Variants in NALF1 observed in about 807,000 individuals in gnomAD.
The protein encoded by NALF1 is family with sequence similarity 155 member A.
Under a neutral mutation model 48.4 loss-of-function variants are expected in NALF1, and 3 were observed. That is an observed-to-expected ratio of 0.06 (90% CI 0.03 to 0.16). The LOEUF (loss-of-function observed/expected upper bound fraction) is 0.16, where lower values mean the gene tolerates loss of function less well. NALF1 is among the 10% of genes least tolerant of loss of function. NALF1 has a pLI of 1.00. For missense variants in NALF1, 526 were observed against 571.5 expected, an observed-to-expected ratio of 0.92 and a Z score of 0.81; for synonymous variants, 262 against 245.7, an observed-to-expected ratio of 1.07 and a Z score of -0.62.
chr13:107,419,497 G>A (rs1262160691), intron 1 of NALF1, among the ~76,000 whole-genome samples: 8 of 152,104 alleles, frequency 5.3e-5, no homozygotes, highest in Middle Eastern at 3.2e-3. Context: ...TGCAAGAGGC[G>A]GTAGATTTCA....
At chr13:107,688,005 C>T (rs1881477588) in intron 1 of NALF1, among the ~76,000 whole-genome samples, 2 of 152,116 alleles carry the variant, frequency 1.3e-5, no homozygotes, top group Non-Finnish European at 2.9e-5. Flanking sequence ...AGAACTTTAA[C>T]ATTTTAAAAA....
chr13:107,712,671 C>T (rs1047427271), intron 1 of NALF1, among the ~76,000 whole-genome samples: 29 of 152,140 alleles, frequency 1.9e-4, no homozygotes, highest in African/African-American at 6.5e-4. Flanking sequence ...GACTGCTATA[C>T]TCATAATTTT....
intron 1 of NALF1, among the ~76,000 whole-genome samples, chr13:107,751,247 A>G (rs1876929845): frequency 6.6e-6 from 1 of 152,214 alleles, no homozygotes; most frequent in Admixed American, 6.5e-5. Flanking sequence ...TGTTCCAATG[A>G]TATTTCACAT....
chr13:107,632,193 C>A (rs1159740580), intron 1 of NALF1, among the ~76,000 whole-genome samples: 15 of 152,236 alleles, frequency 9.9e-5, no homozygotes, highest in African/African-American at 3.6e-4. Flanking sequence ...GCTCTGGTGG[C>A]AAATACTATA....
chr13:107,363,595 A>C (rs193023295), intron 1 of NALF1, among the ~76,000 whole-genome samples: 5 of 151,732 alleles, frequency 3.3e-5, no homozygotes, highest in African/African-American at 9.6e-5. Context: ...CAGTGAATGG[A>C]CTGTTTAAAT....
intron 1 of NALF1, among the ~76,000 whole-genome samples, chr13:107,522,034 G>C (rs207474408): frequency 6.6e-6 from 1 of 151,832 alleles, no homozygotes; most frequent in African/African-American, 2.4e-5. Flanking sequence ...TAAGGGATAC[G>C]ATTTTCCAGG....
intron 1 of NALF1, among the ~76,000 whole-genome samples, chr13:107,533,921 A>G (rs933291719): frequency 6.6e-6 from 1 of 152,112 alleles, no homozygotes; most frequent in Admixed American, 6.6e-5. Flanking sequence ...TTAATGGGAA[A>G]TGGGGAGGGG....
rs571420238 is a variant in NALF1, at chr13:107,236,908, T to G, written c.916-26153A>C. On this transcript the variant is annotated intron_variant, in intron 1 of 2. Coordinates refer to ENST00000375915, the MANE Select transcript of NALF1 (RefSeq NM_001080396.3). Reference sequence around the variant, plus strand: ...GCATAATAACTATTTTACATAGCACTTACATCATATTGAGTATTATAAGTA... The same window carrying G: ...GCATAATAACTATTTTACATAGCACGTACATCATATTGAGTATTATAAGTA... Among the ~76,000 whole-genome samples the G allele has an allele frequency of 2.2e-4, 33 of 152,318 alleles. No homozygotes were observed. In the South Asian group the frequency reaches 6.0e-3, roughly 28 times the overall value.
intron 1 of NALF1, among the ~76,000 whole-genome samples, chr13:107,419,257 T>A (rs1029679839): frequency 6.6e-6 from 1 of 152,222 alleles, no homozygotes; most frequent in African/African-American, 2.4e-5. Context: ...AAAGGTAGGT[T>A]TTTCCCCAAA....
intron 1 of NALF1, among the ~76,000 whole-genome samples, chr13:107,434,874 A>C (rs1884438982): frequency 6.6e-6 from 1 of 152,220 alleles, no homozygotes; most frequent in Non-Finnish European, 1.5e-5. Flanking sequence ...ATGAATCTTC[A>C]CATGAGAGTG....
intron 2 of NALF1, among the ~76,000 whole-genome samples, chr13:107,186,913 AG>A (rs1259542061): frequency 6.6e-6 from 1 of 152,220 alleles, no homozygotes; most frequent in Non-Finnish European, 1.5e-5. Flanking sequence ...GGAAATCAGC[AG>A]GATTTAATTC....
intron 1 of NALF1, among the ~76,000 whole-genome samples, chr13:107,707,533 T>C (rs1037489707): frequency 6.6e-6 from 1 of 152,200 alleles, no homozygotes; most frequent in African/African-American, 2.4e-5. Context: ...GGCATGTGAC[T>C]TAGTCTCTGC....
chr13:107,203,377 T>C (rs1471974739), intron 2 of NALF1, among the ~76,000 whole-genome samples: 2 of 152,182 alleles, frequency 1.3e-5, no homozygotes, highest in African/African-American at 4.8e-5. Flanking sequence ...CATGCTTTGA[T>C]TCAGCTTCCA....
chr13:107,453,831 CT>C (rs1884782394), intron 1 of NALF1, among the ~76,000 whole-genome samples: 1 of 152,176 alleles, frequency 6.6e-6, no homozygotes, highest in African/African-American at 2.4e-5. Context: ...AAACTTAATG[CT>C]TTTAGGAGCA....
rs1007094717 is a variant in NALF1, at chr13:107,169,192, C to T, written c.*1305G>A. The T allele has an allele frequency of 2.6e-5, 4 of 152,266 alleles. No homozygotes were observed. The highest frequency in any genetic ancestry group is 6.6e-5 in the Admixed American group (1 of 15,238). 9.4% of individuals were successfully genotyped at this position (152,266 alleles called of 1,614,324 possible). A position where few individuals can be genotyped will look rare whatever the true frequency, so the allele number is the denominator to read the frequency against. ...ATGTTAGAGTGATAAAGTTTTTGCACGTTAATAAAAATGGCTGACCTATTT... is the reference window on the plus strand; with the variant it reads ...ATGTTAGAGTGATAAAGTTTTTGCATGTTAATAAAAATGGCTGACCTATTT... On this transcript the variant is annotated 3_prime_UTR_variant, in exon 3 of 3. Transcript: ENST00000375915.
At chr13:107,341,791 G>A (rs984282121) in intron 1 of NALF1, among the ~76,000 whole-genome samples, 2 of 150,446 alleles carry the variant, frequency 1.3e-5, no homozygotes, top group African/African-American at 4.9e-5. Flanking sequence ...CATATTTATA[G>A]GCATTTTTAT....
intron 1 of NALF1, among the ~76,000 whole-genome samples, chr13:107,748,942 G>A (rs1171608224): frequency 6.6e-6 from 1 of 152,074 alleles, no homozygotes; most frequent in Non-Finnish European, 1.5e-5. Flanking sequence ...TACACATGAG[G>A]AATGCTGAGA....
intron 1 of NALF1, among the ~76,000 whole-genome samples, chr13:107,721,040 G>A (rs1325342022): frequency 6.6e-6 from 1 of 151,438 alleles, no homozygotes; most frequent in African/African-American, 2.4e-5. Context: ...TGGTACATTG[G>A]AACCTGAGAA....
At chr13:107,565,623 A>C (rs1175114424) in intron 1 of NALF1, among the ~76,000 whole-genome samples, 2 of 152,120 alleles carry the variant, frequency 1.3e-5, no homozygotes, top group African/African-American at 4.8e-5. Context: ...TGATTCTAGC[A>C]AGTGGTGATT....
Sources: gnomAD v4.1 joint callset for allele counts (sites outside exome capture counted in the v4.1 genomes callset) on GRCh38, gnomAD v4.1.1 for gene constraint, MANE v1.5 for transcripts, NCBI Gene and HGNC (gene_info 2026-07-23, HGNC 2026-07-21) for gene names.